The following PDIA6 variants were observed in gnomAD, a reference collection of about 807,000 sequenced individuals.
PDIA6 encodes the protein protein disulfide isomerase family A member 6, also known as protein disulfide-isomerase A6.
A neutral mutation model predicts 58.4 loss-of-function variants in PDIA6; 29 were observed. That is an observed-to-expected ratio of 0.50 (90% CI 0.37 to 0.68). The LOEUF is 0.68. Ranked by LOEUF, PDIA6 falls within the 30% of genes least tolerant of loss-of-function variation. The pLI, the probability that PDIA6 is intolerant of heterozygous loss-of-function variation, is 0.00. For missense variants in PDIA6, 480 were observed against 551.0 expected (o/e 0.87, Z 1.29); for synonymous variants, 192 against 202.6 (o/e 0.95, Z 0.44).
At chr2:10,823,529 G>C (rs1401745354) in intron 1 of PDIA6, 1 of 152,208 alleles carries the variant, frequency 6.6e-6, no homozygotes, top group Non-Finnish European at 1.5e-5. Context: ...AAATCTCATT[G>C]GGTTCTCTTT....
upstream of PDIA6, chr2:10,812,931 G>A: frequency 1.1e-6 from 1 of 914,442 alleles, no homozygotes; most frequent in Non-Finnish European, 1.4e-6. Context: ...GAGGTTACCG[G>A]TTTGGTTTTT....
At chr2:10,820,145 C>A (rs769704688) in intron 1 of PDIA6, among the ~76,000 whole-genome samples, 1 of 152,020 alleles carries the variant, frequency 6.6e-6, no homozygotes, top group African/African-American at 2.4e-5. Flanking sequence ...CGTGGACCCA[C>A]GAAGAGTTAG....
chr2:10,821,681 G>A (rs1667399060), intron 1 of PDIA6, among the ~76,000 whole-genome samples: 1 of 152,038 alleles, frequency 6.6e-6, no homozygotes, highest in African/African-American at 2.4e-5. Context: ...CTGGAGTGCA[G>A]TGACGCAGTT....
rs1666000755 is a variant in PDIA6, at chr2:10,790,797, T to C, written c.621A>G (p.Val207=). The C allele has an allele frequency of 6.2e-7, 1 of 1,614,202 alleles. No homozygotes were observed. Among genetic ancestry groups the C allele is most frequent in the Non-Finnish European group, 8.5e-7 (1 of 1,180,026 alleles). The change falls in exon 7 of 13, where the codon GTA becomes GTG. Residue 207 remains valine, a synonymous_variant. Transcript: ENST00000272227. ...TCACTTTTCCTTTCGTCTGCTCTTT[T>C]ACTTCTGAAGCTGCGGCAGCCCACT... ...EPEWAAAASE[V]KEQTKGKVKL...
At chr2:10,819,735 A>T (rs1667326111) in intron 1 of PDIA6, among the ~76,000 whole-genome samples, 1 of 152,180 alleles carries the variant, frequency 6.6e-6, no homozygotes, top group Non-Finnish European at 1.5e-5. Context: ...TCTGACCGTA[A>T]TTCCTTTATA....
chr2:10,832,031 A>AAAAG (rs1667723880), intron 1 of PDIA6, among the ~76,000 whole-genome samples: 1 of 151,560 alleles, frequency 6.6e-6, no homozygotes, highest in Non-Finnish European at 1.5e-5. Flanking sequence ...AAAAAAAAAA[A>AAAAG]AAAAAAGAGG....
chr2:10,814,087 C>T (rs1490518044), upstream of PDIA6, among the ~76,000 whole-genome samples: 1 of 152,222 alleles, frequency 6.6e-6, no homozygotes, highest in Non-Finnish European at 1.5e-5. Context: ...GATTCTCCCT[C>T]CTATGTTTGG....
At chr2:10,831,559 T>C (rs1431906888) in intron 1 of PDIA6, among the ~76,000 whole-genome samples, 1 of 152,126 alleles carries the variant, frequency 6.6e-6, no homozygotes, top group African/African-American at 2.4e-5. Flanking sequence ...GGAGGTGTCG[T>C]CAGCTGCTGA....
chr2:10,803,911 G>GGTTTTTTT (rs1553339551), intron 1 of PDIA6, among the ~76,000 whole-genome samples: 2,117 of 117,832 alleles, frequency 0.018, 48 homozygotes, highest in Admixed American at 0.029. Context: ...TAGTTTTTGT[G>GGTTTTTTT]TTTTTTTTTT....
Position 10,802,580 on chromosome 2 carries a change from ACAT to A in PDIA6, c.77_79del (p.Asp26del). ...GAAATTCGATGGAGTTAATTCGATC[ACAT>A]CATCACTAGAGGAATACAGACCATT... On this transcript the variant is annotated inframe_deletion, in exon 2 of 13. Transcript: ENST00000272227. 6.7e-7 allele frequency: 1 copy of A among 1,498,456 alleles called. No homozygotes were observed. The highest frequency in any genetic ancestry group is 8.9e-7 in the Non-Finnish European group (1 of 1,123,726). 92.8% of individuals were successfully genotyped at this position (1,498,456 alleles called of 1,614,324 possible).
chr2:10,823,595 A>G (rs1032447988), intron 1 of PDIA6, among the ~76,000 whole-genome samples: 1 of 152,268 alleles, frequency 6.6e-6, no homozygotes, highest in South Asian at 2.1e-4. Flanking sequence ...GCACCAAAAC[A>G]TATTCAAAAT....
At chr2:10,828,141 G>A (rs1239245480) in intron 1 of PDIA6, among the ~76,000 whole-genome samples, 1 of 152,052 alleles carries the variant, frequency 6.6e-6, no homozygotes, top group African/African-American at 2.4e-5. Flanking sequence ...TTACATTAGG[G>A]TTCACACTTG....
upstream of PDIA6, among the ~76,000 whole-genome samples, chr2:10,835,110 A>T (rs559354754): frequency 3.3e-4 from 51 of 152,276 alleles, no homozygotes; most frequent in South Asian, 9.5e-3. Flanking sequence ...GAACATGAAC[A>T]GGTGGGGCGG....
intron 4 of PDIA6, among the ~76,000 whole-genome samples, chr2:10,794,722 T>C (rs527658788): frequency 6.6e-6 from 1 of 151,126 alleles, no homozygotes; most frequent in Admixed American, 6.6e-5. Context: ...AGGTCAAGAG[T>C]TCGAGAGCAG....
intron 1 of PDIA6, among the ~76,000 whole-genome samples, chr2:10,805,983 T>A (rs1339394229): frequency 2.0e-5 from 1 of 48,958 alleles, no homozygotes; most frequent in Admixed American, 2.8e-4. Flanking sequence ...GTGGGTGCAG[T>A]GCACCAGCAT....
At chr2:10,795,080 C>CTTATCTATG (rs1470451963) in intron 4 of PDIA6, among the ~76,000 whole-genome samples, 1 of 152,180 alleles carries the variant, frequency 6.6e-6, no homozygotes, top group Non-Finnish European at 1.5e-5. Flanking sequence ...GCCTCTGCTC[C>CTTATCTATG]TTATCTATGT....
chr2:10,834,829 T>G (rs1468317650), upstream of PDIA6, among the ~76,000 whole-genome samples: 1 of 150,768 alleles, frequency 6.6e-6, no homozygotes, highest in Non-Finnish European at 1.5e-5. Context: ...TGCAGTGGTG[T>G]GATCTTAGCT....
chr2:10,819,453 ACCTGCTAAAACTG>A (rs1667319062), intron 1 of PDIA6: 1 of 696,874 alleles, frequency 1.4e-6, no homozygotes. Context: ...ACATCTGTGA[ACCTGCTAAAACTG>A]CTTTTGTTAA....
chr2:10,837,441 G>T (rs1226715584), upstream of PDIA6: 4 of 653,944 alleles, frequency 6.1e-6, no homozygotes, highest in African/African-American at 7.3e-5. Context: ...ATGAGGGGGA[G>T]AAAAAAATAA....
Sources: allele counts gnomAD v4.1 joint callset (sites outside exome capture counted in the v4.1 genomes callset), GRCh38; gene constraint gnomAD v4.1.1; transcripts MANE v1.5; gene names NCBI Gene and HGNC (gene_info 2026-07-23, HGNC 2026-07-21).